Variants in SYT1 observed in about 807,000 individuals in gnomAD.
The protein encoded by SYT1 is synaptotagmin-1.
A neutral mutation model predicts 44.8 loss-of-function variants in SYT1; 8 were observed. That is an observed-to-expected ratio of 0.18 (90% confidence interval 0.10 to 0.32). The LOEUF is 0.32. Among genes scored for constraint, SYT1 ranks in the 10% least tolerant of loss-of-function variants. The pLI is 1.00. For missense variants in SYT1, 286 were observed against 509.3 expected, an observed-to-expected ratio of 0.56 and a Z score of 4.22; for synonymous variants, 154 against 188.8, an observed-to-expected ratio of 0.82 and a Z score of 1.51.
chr12:79,032,835 G>A (rs750434406), intron 2 of SYT1, among the ~76,000 whole-genome samples: 1 of 151,128 alleles, frequency 6.6e-6, no homozygotes, highest in South Asian at 2.1e-4. Flanking sequence ...AAATCACAAC[G>A]CTAAGGGATT....
intron 2 of SYT1, among the ~76,000 whole-genome samples, chr12:79,008,541 A>G (rs1288802084): frequency 6.6e-6 from 1 of 152,182 alleles, no homozygotes; most frequent in East Asian, 1.9e-4. Context: ...AAGAGAGTGA[A>G]GAGAATAATG....
intron 1 of SYT1, among the ~76,000 whole-genome samples, chr12:78,934,133 T>C (rs571972210): frequency 6.6e-6 from 1 of 151,324 alleles, no homozygotes; most frequent in Non-Finnish European, 1.5e-5. Flanking sequence ...TGTGTGTATA[T>C]ATGTGTGTGT....
intron 3 of SYT1, among the ~76,000 whole-genome samples, chr12:79,158,640 G>A (rs1870752892): frequency 6.6e-6 from 1 of 152,102 alleles, no homozygotes; most frequent in Admixed American, 6.6e-5. Context: ...GCTCATACCT[G>A]TAATCCCAGC....
intron 4 of SYT1, among the ~76,000 whole-genome samples, chr12:79,258,978 A>G (rs2138722018): frequency 6.6e-6 from 1 of 152,352 alleles, no homozygotes; most frequent in South Asian, 2.1e-4. Context: ...AAATAGAAAG[A>G]GTTAACTTGC....
At chr12:78,998,252 T>C (rs1870506472) in intron 2 of SYT1, among the ~76,000 whole-genome samples, 1 of 152,214 alleles carries the variant, frequency 6.6e-6, no homozygotes. Context: ...ATTTTACAGA[T>C]ACCAACCTTT....
At chr12:79,434,047 T>C (rs951445509) in intron 9 of SYT1, among the ~76,000 whole-genome samples, 8 of 152,224 alleles carry the variant, frequency 5.3e-5, no homozygotes, top group Non-Finnish European at 7.3e-5. Context: ...TGGAATTCAA[T>C]GGTTTCCCCC....
chr12:79,442,217 A>C (rs1870464718), intron 9 of SYT1, among the ~76,000 whole-genome samples: 1 of 152,324 alleles, frequency 6.6e-6, no homozygotes, highest in East Asian at 1.9e-4. Flanking sequence ...TGGCGACATG[A>C]CTAGCTTTAT....
intron 2 of SYT1, among the ~76,000 whole-genome samples, chr12:79,032,859 C>T (rs2137679185): frequency 6.6e-6 from 1 of 151,164 alleles, no homozygotes; most frequent in South Asian, 2.1e-4. Context: ...TGGCAAATAC[C>T]ACAATGATGA....
intron 3 of SYT1, among the ~76,000 whole-genome samples, chr12:79,206,717 C>T (rs1874150484): frequency 6.6e-6 from 1 of 152,214 alleles, no homozygotes; most frequent in African/African-American, 2.4e-5. Context: ...TTCATTACTT[C>T]TGGCTATAAA....
chr12:79,202,900 G>A (rs543949831), intron 3 of SYT1, among the ~76,000 whole-genome samples: 2 of 152,110 alleles, frequency 1.3e-5, no homozygotes, highest in African/African-American at 4.8e-5. Context: ...CAGGATGCAG[G>A]GTGCTGAACT....
At chr12:79,121,192 T>A (rs968691363) in intron 3 of SYT1, among the ~76,000 whole-genome samples, 23 of 152,146 alleles carry the variant, frequency 1.5e-4, no homozygotes, top group Admixed American at 6.5e-4. Context: ...CATTTTCCAA[T>A]CACGAGCATC....
chr12:79,151,135 G>A (rs1325967688), intron 3 of SYT1, among the ~76,000 whole-genome samples: 1 of 152,144 alleles, frequency 6.6e-6, no homozygotes, highest in Non-Finnish European at 1.5e-5. Context: ...GGAAGATGGG[G>A]TGATAAACCT....
At chr12:79,308,572 A>AGAAGGAG (rs1880552079) in intron 8 of SYT1, among the ~76,000 whole-genome samples, 1 of 148,474 alleles carries the variant, frequency 6.7e-6, no homozygotes, top group African/African-American at 2.5e-5. Flanking sequence ...AGGAAAAGAA[A>AGAAGGAG]GAAAAGAAGG....
At chr12:79,411,092 T>G (rs1205392944) in intron 9 of SYT1, among the ~76,000 whole-genome samples, 1 of 152,188 alleles carries the variant, frequency 6.6e-6, no homozygotes, top group Non-Finnish European at 1.5e-5. Flanking sequence ...TAGAAATTTA[T>G]TTCTCTGGAA....
chr12:79,107,388 G>A (rs1399991834), intron 3 of SYT1, among the ~76,000 whole-genome samples: 2 of 151,814 alleles, frequency 1.3e-5, no homozygotes, highest in South Asian at 2.1e-4. Flanking sequence ...ATGAAAAAAT[G>A]TAGTACAATG....
chr12:78,876,891 T>TATGTATA (rs1565697900), intron 1 of SYT1, among the ~76,000 whole-genome samples: 235 of 15,616 alleles, frequency 0.015, 1 homozygote, highest in African/African-American at 0.023. Flanking sequence ...TTATATATAA[T>TATGTATA]ATATATTATA....
intron 1 of SYT1, among the ~76,000 whole-genome samples, chr12:78,921,103 C>T (rs115956554): frequency 0.018 from 2,731 of 151,932 alleles, 36 homozygotes; most frequent in South Asian, 0.044. Flanking sequence ...AAAGAAAATA[C>T]ACCAAAAATT....
At chr12:79,043,113 G>A (rs1410486601) in intron 2 of SYT1, among the ~76,000 whole-genome samples, 1 of 151,008 alleles carries the variant, frequency 6.6e-6, no homozygotes, top group African/African-American at 2.4e-5. Context: ...TTGATTTGGG[G>A]TGGAGGGTTC....
intron 3 of SYT1, among the ~76,000 whole-genome samples, chr12:79,192,010 A>C (rs1292005117): frequency 6.6e-6 from 1 of 152,156 alleles, no homozygotes; most frequent in African/African-American, 2.4e-5. Context: ...TTTAATATCA[A>C]TCCACCCCTA....
Sources: allele counts gnomAD v4.1 joint callset (sites outside exome capture counted in the v4.1 genomes callset), GRCh38; gene constraint gnomAD v4.1.1; transcripts MANE v1.5; gene names NCBI Gene and HGNC (gene_info 2026-07-23, HGNC 2026-07-21).